Variants in DNAAF5 observed in about 807,000 individuals in gnomAD.
The protein encoded by DNAAF5 is HEAT repeat containing 2.
DNAAF5 carries 64 observed loss-of-function variants against 75.8 expected under a neutral mutation model. The observed-to-expected ratio is 0.84, with a 90% CI of 0.69 to 1.04. The LOEUF is 1.04. Ranked by LOEUF, DNAAF5 falls within the 50% of genes least tolerant of loss-of-function variation. The pLI is 0.00. For missense variants in DNAAF5, 1,269 were observed against 1,178.5 expected, an observed-to-expected ratio of 1.08 and a Z score of -1.12; for synonymous variants, 657 against 557.2, an observed-to-expected ratio of 1.18 and a Z score of -2.52.
chr7:751,161 G>A (rs148681399), intron 4 of DNAAF5, among the ~76,000 whole-genome samples: 5 of 151,150 alleles, frequency 3.3e-5, no homozygotes, highest in Admixed American at 1.3e-4. Flanking sequence ...AAAAAAAAAC[G>A]AAGAGAGGTG....
Position 740,801 on chromosome 7 carries a change from C to G in DNAAF5, c.781-18C>G. Reference sequence around the variant, plus strand: ...CCCTTTGCCTACACGAATCCTTATCCCTTCCTCTCATGCGCAGGTCCGGCG... The same window carrying G: ...CCCTTTGCCTACACGAATCCTTATCGCTTCCTCTCATGCGCAGGTCCGGCG... On this transcript the variant is annotated intron_variant, in intron 2 of 12. Transcript: ENST00000297440. 1 of 1,612,954 alleles carries G rather than the reference C, an allele frequency of 6.2e-7. No homozygotes were observed. Among genetic ancestry groups the G allele is most frequent in the Non-Finnish European group, 8.5e-7 (1 of 1,179,980 alleles).
At chr7:781,008 TCAAA>T (rs1055980713) in intron 12 of DNAAF5, among the ~76,000 whole-genome samples, 1 of 152,228 alleles carries the variant, frequency 6.6e-6, no homozygotes, top group African/African-American at 2.4e-5. Context: ...CCCCGTCACT[TCAAA>T]CACTTACACT....
Position 763,800 on chromosome 7 carries a change from C to G in DNAAF5, c.1615-6C>G, listed in dbSNP as rs1782737823. The G allele has an allele frequency of 6.2e-7, 1 of 1,613,014 alleles. No homozygotes were observed. Among genetic ancestry groups the G allele is most frequent in the Non-Finnish European group, 8.5e-7 (1 of 1,179,872 alleles). The stretch of plus-strand genomic sequence containing the variant: ...ATTGTCTCAGTCTCTGACTTGTAAC[C>G]TCCAGGCACAGGAGACGATGGACTC... On this transcript the variant is annotated splice_region_variant and splice_polypyrimidine_tract_variant and intron_variant, in intron 7 of 12. Transcript: ENST00000297440.
intron 8 of DNAAF5, among the ~76,000 whole-genome samples, chr7:764,501 C>G (rs990985099): frequency 1.3e-5 from 2 of 152,340 alleles, no homozygotes; most frequent in East Asian, 3.9e-4. Flanking sequence ...TGCCTTGGGA[C>G]ACACGGCCCG....
chr7:762,393 A>C (rs1782687800), intron 7 of DNAAF5, among the ~76,000 whole-genome samples: 1 of 151,706 alleles, frequency 6.6e-6, no homozygotes, highest in Non-Finnish European at 1.5e-5. Flanking sequence ...AGGCTGAGGC[A>C]GGAAAATTGC....
intron 6 of DNAAF5, among the ~76,000 whole-genome samples, chr7:760,079 TCCTCCAGCTCTGAGGGAGAC>T (rs1782597772): frequency 4.3e-4 from 5 of 11,510 alleles, no homozygotes; most frequent in African/African-American, 1.0e-3. Flanking sequence ...GCCGCGCGGC[TCCTCCAGCTCTGAGGGAGAC>T]GGGGCCGCGC....
At chr7:781,340 T>C (rs544704502) in intron 12 of DNAAF5, among the ~76,000 whole-genome samples, 2 of 152,340 alleles carry the variant, frequency 1.3e-5, no homozygotes, top group African/African-American at 4.8e-5. Flanking sequence ...TCCATGTTGA[T>C]CCAATGACTG....
intron 8 of DNAAF5, 29 bp from the exon 9 acceptor site, chr7:770,442 T>G: frequency 6.2e-7 from 1 of 1,605,548 alleles, no homozygotes; most frequent in Non-Finnish European, 8.5e-7. Context: ...CTGAGGGCCG[T>G]GCACAGGAGC....
chr7:762,353 G>A (rs1323247053), intron 7 of DNAAF5, among the ~76,000 whole-genome samples: 1 of 152,006 alleles, frequency 6.6e-6, no homozygotes, highest in East Asian at 2.0e-4. Context: ...CAGGCGTGTT[G>A]GCATGTGCCT....
At chr7:752,039 CA>C (rs1782314018) in intron 4 of DNAAF5, among the ~76,000 whole-genome samples, 1 of 152,202 alleles carries the variant, frequency 6.6e-6, no homozygotes, top group South Asian at 2.1e-4. Context: ...GCAAGACTCA[CA>C]AAACCACAGT....
At chr7:779,809 T>C (rs1177467881) in intron 11 of DNAAF5, 144 bp from the exon 12 acceptor site, 2 of 674,922 alleles carry the variant, frequency 3.0e-6, no homozygotes, top group Non-Finnish European at 2.5e-6. Flanking sequence ...TGGCTCGGGA[T>C]GCACGGAGTC....
chr7:773,926 T>G, intron 9 of DNAAF5, 122 bp from the exon 10 acceptor site: 5 of 1,116,968 alleles, frequency 4.5e-6, no homozygotes, highest in Non-Finnish European at 5.4e-6. Context: ...GGGCCTCGTG[T>G]TTTGGGGTCG....
intron 2 of DNAAF5, among the ~76,000 whole-genome samples, chr7:738,136 T>C (rs1781792859): frequency 6.6e-6 from 1 of 152,208 alleles, no homozygotes; most frequent in African/African-American, 2.4e-5. Context: ...CTGTGTATTT[T>C]CAAATAGCCC....
chr7:754,903 G>A lies in DNAAF5; in HGVS notation c.1257+82G>A. ...GCCTCTGTGGTGTGCGGGGCCCGAG[G>A]CTGTACTGTAGCCAAGACAGCGTTC... On this transcript the variant is annotated intron_variant, in intron 5 of 12. Coordinates refer to ENST00000297440, the MANE Select transcript of DNAAF5 (RefSeq NM_017802.4). The surrounding 1 kb of genome is among the most constrained non-coding windows in gnomAD (Gnocchi z 4.8). 1.8e-6 allele frequency: 2 copies of A among 1,094,492 alleles called. No homozygotes were observed. Among genetic ancestry groups the A allele is most frequent in the Admixed American group, 2.4e-5 (1 of 42,366 alleles). 67.8% of individuals were successfully genotyped at this position (1,094,492 alleles called of 1,614,324 possible). A position where few individuals can be genotyped will look rare whatever the true frequency, so the allele number is the denominator to read the frequency against.
chr7:748,592 G>A (rs1400172282), intron 4 of DNAAF5, among the ~76,000 whole-genome samples: 1 of 152,042 alleles, frequency 6.6e-6, no homozygotes, highest in Non-Finnish European at 1.5e-5. Context: ...TCAGAGCTCC[G>A]GCAGCTGCCG....
chr7:763,045 C>G (rs1233411534), intron 7 of DNAAF5, among the ~76,000 whole-genome samples: 1 of 152,208 alleles, frequency 6.6e-6, no homozygotes, highest in Non-Finnish European at 1.5e-5. Flanking sequence ...TGGACAGCCC[C>G]TCTCGGCAGA....
At chr7:778,733 G>A (rs78889980) in intron 11 of DNAAF5, 6,087 of 152,596 alleles carry the variant, frequency 0.04, 424 homozygotes, top group African/African-American at 0.14. Context: ...CACGTGCAGC[G>A]AGGGCACCCA....
At position 785,625 on chromosome 7, in the gene DNAAF5, A is replaced by G. The variant is rs1275989141; in HGVS notation, c.2540A>G (p.His847Arg). ...SATYCEQLLQ[H>R]VQAVPATQ ...ACCTACTGCGAGCAGCTCCTGCAGC[A>G]TGTGCAGGCCGTGCCAGCCACACAG... Residue 847 changes from histidine to arginine, a missense_variant, in exon 13 of 13, where the codon CAT (histidine) becomes CGT (arginine). Coordinates refer to ENST00000297440, the MANE Select transcript of DNAAF5 (RefSeq NM_017802.4). The G allele has an allele frequency of 1.9e-6, 3 of 1,613,078 alleles. No individual in the cohort carries two copies. The highest frequency in any genetic ancestry group is 2.2e-5 in the South Asian group (2 of 91,082).
intron 2 of DNAAF5, among the ~76,000 whole-genome samples, chr7:730,850 C>G (rs2128069537): frequency 6.6e-6 from 1 of 152,274 alleles, no homozygotes; most frequent in African/African-American, 2.4e-5. Flanking sequence ...GTTGAGTCAC[C>G]ATGTACGCTG....
Sources: allele counts gnomAD v4.1 joint callset (sites outside exome capture counted in the v4.1 genomes callset), GRCh38; gene constraint gnomAD v4.1.1; non-coding constraint Gnocchi (gnomAD v3.1); transcripts MANE v1.5; gene names NCBI Gene and HGNC (gene_info 2026-07-23, HGNC 2026-07-21).